Variants in RGS5 observed in about 807,000 individuals in gnomAD.
RGS5 encodes the protein regulator of G protein signaling 5, also known as regulator of G-protein signalling 5.
RGS5 carries 20 observed loss-of-function variants against 18.9 expected under a neutral mutation model. The observed-to-expected ratio is 1.06, with a 90% CI of 0.74 to 1.54. RGS5 has a LOEUF of 1.54. Ranked by LOEUF, RGS5 falls within the 40% of genes most tolerant of loss-of-function variation. The pLI is 0.00. For missense variants in RGS5, 201 were observed against 211.8 expected, an observed-to-expected ratio of 0.95 and a Z score of 0.32; for synonymous variants, 57 against 76.2, an observed-to-expected ratio of 0.75 and a Z score of 1.31.
intron 1 of RGS5, among the ~76,000 whole-genome samples, chr1:163,215,150 A>G (rs868107705): frequency 1.3e-5 from 2 of 152,194 alleles, no homozygotes; most frequent in Admixed American, 1.3e-4. Context: ...GATTCTTGAG[A>G]TCTACCCATG....
intron 3 of RGS5, among the ~76,000 whole-genome samples, chr1:163,159,280 T>C (rs2102390542): frequency 6.6e-6 from 1 of 152,260 alleles, no homozygotes; most frequent in South Asian, 2.1e-4. Flanking sequence ...GAGATTAAAG[T>C]AAAGACAGGC....
chr1:163,300,395 A>G (rs1354598473), intron 2 of RGS5: 1 of 152,266 alleles, frequency 6.6e-6, no homozygotes, highest in East Asian at 1.9e-4. Flanking sequence ...TCGTATTTCT[A>G]TCCTCTGTGA....
chr1:163,308,599 C>T (rs1649768338), intron 1 of RGS5: 1 of 152,138 alleles, frequency 6.6e-6, no homozygotes, highest in Non-Finnish European at 1.5e-5. Flanking sequence ...GGAACCAAAA[C>T]AGGTCAATGG....
chr1:163,276,439 G>T (rs10159123), intron 2 of RGS5, among the ~76,000 whole-genome samples: 68,158 of 151,458 alleles, frequency 0.45, 15,629 homozygotes, highest in African/African-American at 0.51. Context: ...TAGATAGATA[G>T]ATATTTAAAT....
At chr1:163,271,703 T>C (rs1648724241) in intron 2 of RGS5, among the ~76,000 whole-genome samples, 1 of 152,166 alleles carries the variant, frequency 6.6e-6, no homozygotes, top group Non-Finnish European at 1.5e-5. Context: ...TGATGGACAT[T>C]TGGATTGTTT....
At chr1:163,179,546 A>C (rs1476952154) in intron 1 of RGS5, among the ~76,000 whole-genome samples, 1 of 152,236 alleles carries the variant, frequency 6.6e-6, no homozygotes, top group Non-Finnish European at 1.5e-5. Context: ...AACAATTGGA[A>C]ATAGAGAAAA....
intron 1 of RGS5, among the ~76,000 whole-genome samples, chr1:163,208,310 T>C (rs1449658744): frequency 2.7e-5 from 3 of 112,364 alleles, no homozygotes; most frequent in Admixed American, 1.3e-4. Flanking sequence ...ATCCCGCCAC[T>C]GCACTCCAGC....
chr1:163,218,009 C>G (rs1234563342), upstream of RGS5, among the ~76,000 whole-genome samples: 1 of 151,158 alleles, frequency 6.6e-6, no homozygotes, highest in Non-Finnish European at 1.5e-5. Context: ...GGAATAGAGA[C>G]AAGCTTGGGC....
chr1:163,182,522 TCA>T (rs1223678514), intron 1 of RGS5, among the ~76,000 whole-genome samples: 1 of 152,188 alleles, frequency 6.6e-6, no homozygotes, highest in African/African-American at 2.4e-5. Flanking sequence ...ATGCTATCCC[TCA>T]GAGTAGGTTA....
At chr1:163,244,129 G>A (rs541265461) in intron 2 of RGS5, among the ~76,000 whole-genome samples, 4 of 152,146 alleles carry the variant, frequency 2.6e-5, no homozygotes, top group Non-Finnish European at 5.9e-5. Context: ...AATTTGAGAT[G>A]TACTTCAAGT....
intron 3 of RGS5, among the ~76,000 whole-genome samples, chr1:163,159,575 T>A (rs1657718951): frequency 6.6e-6 from 1 of 152,148 alleles, no homozygotes; most frequent in Non-Finnish European, 1.5e-5. Flanking sequence ...TTCTGTGAGG[T>A]CTCCATACCA....
At chr1:163,210,898 T>C (rs1660088926) in intron 1 of RGS5, 1 of 152,234 alleles carries the variant, frequency 6.6e-6, no homozygotes, top group African/African-American at 2.4e-5. Context: ...CTGTATACAC[T>C]GGCTTTTGAA....
At chr1:163,245,940 G>A (rs1366534890) in intron 2 of RGS5, among the ~76,000 whole-genome samples, 1 of 152,206 alleles carries the variant, frequency 6.6e-6, no homozygotes, top group Non-Finnish European at 1.5e-5. Context: ...ACCAGTCCGG[G>A]GGCTGTGGCT....
chr1:163,240,651 G>A (rs1480156786), intron 2 of RGS5, among the ~76,000 whole-genome samples: 2 of 152,036 alleles, frequency 1.3e-5, no homozygotes, highest in African/African-American at 4.8e-5. Flanking sequence ...CAAGTAGCTG[G>A]GACCACAGGT....
At chr1:163,158,151 C>A (rs1341750343) in intron 3 of RGS5, among the ~76,000 whole-genome samples, 2 of 152,156 alleles carry the variant, frequency 1.3e-5, no homozygotes, top group Non-Finnish European at 2.9e-5. Flanking sequence ...TACAGTTATT[C>A]ATGGTATTCT....
chr1:163,224,900 T>C (rs1647300819), intron 2 of RGS5, among the ~76,000 whole-genome samples: 1 of 152,168 alleles, frequency 6.6e-6, no homozygotes, highest in South Asian at 2.1e-4. Flanking sequence ...ATTGAGTTTT[T>C]TGAGTTTCTT....
intron 1 of RGS5, among the ~76,000 whole-genome samples, chr1:163,306,782 TG>T (rs2101646248): frequency 6.6e-6 from 1 of 152,204 alleles, no homozygotes; most frequent in South Asian, 2.1e-4. Context: ...TAAAGGATAT[TG>T]GGGTGATAAA....
intron 2 of RGS5, chr1:163,267,301 C>A (rs1408814764): frequency 6.6e-6 from 1 of 152,102 alleles, no homozygotes; most frequent in Non-Finnish European, 1.5e-5. Context: ...AGAAGAGAGT[C>A]CTCACCAGGC....
Position 163,147,373 on chromosome 1 carries a change from C to T in RGS5, c.515G>A (p.Arg172His), listed in dbSNP as rs147130564. The change falls in exon 5 of 5, where the codon CGC (arginine) becomes CAC (histidine). Residue 172 changes from arginine to histidine, a missense_variant. Transcript: ENST00000313961. Reference protein sequence around the residue: ...MEKDSLPRFVRSEFYQELIK With the variant: ...MEKDSLPRFVHSEFYQELIK ...GATTAACTCCTGATAAAACTCAGAGCGCACAAAGCGAGGCAGAGAATCCTT... is the reference window on the plus strand; with the variant it reads ...GATTAACTCCTGATAAAACTCAGAGTGCACAAAGCGAGGCAGAGAATCCTT... 8.8e-4 allele frequency: 1,411 copies of T among 1,606,624 alleles called. 5 individuals carry two copies. The highest frequency in any genetic ancestry group is 1.8e-3 in the Middle Eastern group (11 of 6,016).
Sources: gnomAD v4.1 joint callset for allele counts (sites outside exome capture counted in the v4.1 genomes callset) on GRCh38, gnomAD v4.1.1 for gene constraint, MANE v1.5 for transcripts, NCBI Gene and HGNC (gene_info 2026-07-23, HGNC 2026-07-21) for gene names.